Variants in COL8A1 observed in about 807,000 individuals in gnomAD.
COL8A1 encodes the protein collagen type VIII alpha 1 chain.
A neutral mutation model predicts 42.7 loss-of-function variants in COL8A1; 21 were observed. That is an observed-to-expected ratio of 0.49 (90% CI 0.35 to 0.71). The LOEUF (loss-of-function observed/expected upper bound fraction) is 0.71. Ranked by LOEUF, COL8A1 falls within the 30% of genes least tolerant of loss-of-function variation. The pLI, the probability that COL8A1 is intolerant of heterozygous loss-of-function variation, is 0.01. For missense variants in COL8A1, 788 were observed against 962.4 expected (o/e 0.82, Z 2.40); for synonymous variants, 367 against 369.1 (o/e 0.99, Z 0.06).
chr3:99,668,255 G>T (rs1429848325), intron 1 of COL8A1, among the ~76,000 whole-genome samples: 1 of 152,092 alleles, frequency 6.6e-6, no homozygotes, highest in African/African-American at 2.4e-5. Flanking sequence ...TGTGTTATCA[G>T]GTTTTCGGTC....
At chr3:99,776,386 A>C (rs1052940031) in intron 2 of COL8A1, among the ~76,000 whole-genome samples, 3 of 152,104 alleles carry the variant, frequency 2.0e-5, no homozygotes, top group African/African-American at 7.2e-5. Flanking sequence ...GTGACCTTTA[A>C]GTTGTGCCTG....
At chr3:99,723,013 G>GTGTA (rs1299298169) in intron 1 of COL8A1, among the ~76,000 whole-genome samples, 1 of 151,504 alleles carries the variant, frequency 6.6e-6, no homozygotes, top group South Asian at 2.1e-4. Context: ...TTGTGTGTGT[G>GTGTA]TGTGTGTGTG....
chr3:99,699,124 T>C (rs900083536), intron 1 of COL8A1, among the ~76,000 whole-genome samples: 2 of 152,216 alleles, frequency 1.3e-5, no homozygotes, highest in African/African-American at 4.8e-5. Flanking sequence ...ACTGCATATG[T>C]TCATTAAAAT....
chr3:99,638,983 A>T (rs1022968519), intron 1 of COL8A1, among the ~76,000 whole-genome samples: 2 of 152,158 alleles, frequency 1.3e-5, no homozygotes, highest in African/African-American at 4.8e-5. Flanking sequence ...CACTGTACAT[A>T]TTTCACACAT....
intron 1 of COL8A1, among the ~76,000 whole-genome samples, chr3:99,692,722 C>T (rs1448026859): frequency 6.6e-6 from 1 of 152,244 alleles, no homozygotes; most frequent in Non-Finnish European, 1.5e-5. Flanking sequence ...GCATATATTA[C>T]AGTAGTTCCG....
chr3:99,736,215 G>A (rs1479499784), intron 1 of COL8A1, among the ~76,000 whole-genome samples: 1 of 152,010 alleles, frequency 6.6e-6, no homozygotes, highest in Non-Finnish European at 1.5e-5. Context: ...GTTTGCTCTT[G>A]CTTTTCTAGT....
intron 2 of COL8A1, among the ~76,000 whole-genome samples, chr3:99,750,720 G>A (rs1941130049): frequency 6.6e-6 from 1 of 152,136 alleles, no homozygotes; most frequent in Non-Finnish European, 1.5e-5. Context: ...AGACAAGAAA[G>A]GTTAAAAATT....
intron 1 of COL8A1, among the ~76,000 whole-genome samples, chr3:99,707,541 G>C (rs1225809758): frequency 6.6e-6 from 1 of 152,142 alleles, no homozygotes; most frequent in Non-Finnish European, 1.5e-5. Flanking sequence ...AAGCATGGCA[G>C]GTGTGTTTAG....
At chr3:99,679,979 A>G (rs1938818652) in intron 1 of COL8A1, 1 of 152,128 alleles carries the variant, frequency 6.6e-6, no homozygotes, top group African/African-American at 2.4e-5. Flanking sequence ...TAGGTCAGCA[A>G]TTATGGACCC....
Position 99,794,686 on chromosome 3 carries a change from C to A in COL8A1, c.785C>A (p.Pro262His). ...AAGGGGCCTCCAGGGATGCACGGCC[C>A]TCCCGGCCCTGTTGGACTGCCAGGA... ...GVKGPPGMHG[P>H]PGPVGLPGVG... The change falls in exon 4 of 4, where the codon CCT (proline) becomes CAT (histidine). Residue 262 changes from proline (P) to histidine (H), a missense_variant. Physicochemically the swap from Pro to His is moderately conservative, Grantham distance 77. This residue lies in a region of COL8A1 where 421 missense variants were observed against 553.1 expected (regional missense o/e 0.76). Coordinates refer to ENST00000652472, the MANE Select transcript of COL8A1 (RefSeq NM_020351.4). This position sits in a 1 kb window ranked among gnomAD's most constrained non-coding sequence, Gnocchi z 4.3. The A allele has an allele frequency of 6.2e-7, 1 of 1,613,376 alleles. No homozygotes were observed. Among genetic ancestry groups the A allele is most frequent in the Non-Finnish European group, 8.5e-7 (1 of 1,179,740 alleles).
Position 99,677,060 on chromosome 3 carries a change from GAA to G in COL8A1, c.-129+38400_-129+38401del, listed in dbSNP as rs1491207378. ...TGGCAAAACCCTGTCTGTACAAAAA[GAA>G]AAAGAGAGAGAGAGAGAGAGAGGGA... On this transcript the variant is annotated intron_variant, in intron 1 of 3. Coordinates refer to ENST00000652472, the MANE Select transcript of COL8A1 (RefSeq NM_020351.4). Among the ~76,000 whole-genome samples the G allele has an allele frequency of 2.5e-5, 3 of 122,296 alleles. No homozygotes were observed. In the South Asian group the frequency reaches 7.6e-4, roughly 31 times the overall value. 80.2% of individuals were successfully genotyped at this position (122,296 alleles called of 152,430 possible). A position where few individuals can be genotyped will look rare whatever the true frequency, so the allele number is the denominator to read the frequency against.
chr3:99,757,742 A>G (rs1292899330), intron 2 of COL8A1, among the ~76,000 whole-genome samples: 3 of 152,188 alleles, frequency 2.0e-5, no homozygotes, highest in African/African-American at 7.2e-5. Context: ...ATGAAGAAGG[A>G]ATTGAATGGG....
chr3:99,784,946 C>T (rs1941864632), intron 2 of COL8A1, among the ~76,000 whole-genome samples: 1 of 152,084 alleles, frequency 6.6e-6, no homozygotes, highest in Admixed American at 6.5e-5. Flanking sequence ...TCAGATGACC[C>T]TAAGGTGGGC....
intron 1 of COL8A1, among the ~76,000 whole-genome samples, chr3:99,669,368 T>C (rs1308614373): frequency 6.6e-6 from 1 of 151,750 alleles, no homozygotes; most frequent in Non-Finnish European, 1.5e-5. Context: ...ATTAGATCAA[T>C]GGAAAAATGA....
At chr3:99,711,133 T>C (rs1234065121) in intron 1 of COL8A1, among the ~76,000 whole-genome samples, 1 of 152,120 alleles carries the variant, frequency 6.6e-6, no homozygotes. Context: ...TTTTTTCAAT[T>C]GCAAATCTTC....
chr3:99,768,815 G>A (rs888053466), intron 2 of COL8A1, among the ~76,000 whole-genome samples: 1 of 152,102 alleles, frequency 6.6e-6, no homozygotes, highest in Non-Finnish European at 1.5e-5. Context: ...CATTCCAACT[G>A]GTACCTTCTA....
At chr3:99,782,618 C>T (rs1941815337) in intron 2 of COL8A1, among the ~76,000 whole-genome samples, 1 of 152,172 alleles carries the variant, frequency 6.6e-6, no homozygotes, top group African/African-American at 2.4e-5. Context: ...TCTCGAACAC[C>T]TGACCTCAGG....
intron 1 of COL8A1, among the ~76,000 whole-genome samples, chr3:99,734,105 T>C (rs1343763828): frequency 6.6e-6 from 1 of 152,032 alleles, no homozygotes; most frequent in Non-Finnish European, 1.5e-5. Context: ...AGGCTGCCTG[T>C]TAACTCTGAT....
At chr3:99,793,844 T>C (rs1718246) in intron 3 of COL8A1, among the ~76,000 whole-genome samples, 123,912 of 151,678 alleles carry the variant, frequency 0.82, 50,920 homozygotes, top group African/African-American at 0.91. Context: ...CTCTGCCTCC[T>C]GGGTTCAAGT....
Sources: gnomAD v4.1 joint callset for allele counts (sites outside exome capture counted in the v4.1 genomes callset) on GRCh38, gnomAD v4.1.1 for gene constraint, gnomAD v4.1.1 regional missense constraint, Gnocchi (gnomAD v3.1) non-coding constraint, MANE v1.5 for transcripts, NCBI Gene and HGNC (gene_info 2026-07-23, HGNC 2026-07-21) for gene names.